TAFA1: variants seen among roughly 807,000 people sequenced by gnomAD.
TAFA1 encodes TAFA chemokine like family member 1.
TAFA1 carries 4 observed loss-of-function variants against 18.5 expected under a neutral mutation model. That is an observed-to-expected ratio of 0.22 (90% confidence interval 0.11 to 0.49). TAFA1 has a LOEUF of 0.49. TAFA1 is among the 20% of genes least tolerant of loss of function. The pLI, the probability that TAFA1 is intolerant of heterozygous loss-of-function variation, is 0.98. For synonymous variants in TAFA1, 56 were observed against 55.2 expected (o/e 1.01, Z -0.06); for missense variants, 147 against 169.0 (o/e 0.87, Z 0.72).
chr3:68,048,865 A>T (rs2064429841), intron 2 of TAFA1, among the ~76,000 whole-genome samples: 2 of 152,140 alleles, frequency 1.3e-5, no homozygotes, highest in Non-Finnish European at 2.9e-5. Context: ...TCATCTGTTG[A>T]TGTACACTGA....
intron 3 of TAFA1, among the ~76,000 whole-genome samples, chr3:68,483,556 G>A (rs193211791): frequency 3.8e-4 from 58 of 152,320 alleles, no homozygotes; most frequent in Admixed American, 2.9e-3. Context: ...CAGAATGGGA[G>A]AAGAAGACAA....
intron 2 of TAFA1, among the ~76,000 whole-genome samples, chr3:68,344,446 G>A (rs1294843994): frequency 6.6e-6 from 1 of 152,150 alleles, no homozygotes; most frequent in Non-Finnish European, 1.5e-5. Flanking sequence ...TATGTATGTT[G>A]AATGATGCTT....
At chr3:68,322,131 G>A (rs1280150455) in intron 2 of TAFA1, among the ~76,000 whole-genome samples, 1 of 152,144 alleles carries the variant, frequency 6.6e-6, no homozygotes, top group African/African-American at 2.4e-5. Context: ...AATTTCCTGG[G>A]CCTGGGGCCA....
At chr3:68,101,735 G>A (rs557739221) in intron 2 of TAFA1, among the ~76,000 whole-genome samples, 18 of 152,234 alleles carry the variant, frequency 1.2e-4, no homozygotes, top group African/African-American at 4.3e-4. Context: ...TATTGGAGAC[G>A]GTTTCTCTTG....
At position 68,352,357 on chromosome 3, in the gene TAFA1, C is replaced by G. The variant is rs1304988348; in HGVS notation, c.119-64923C>G. Among the ~76,000 whole-genome samples the G allele has an allele frequency of 4.6e-5, 7 of 152,134 alleles. No homozygotes were observed. The South Asian group carries it at 1.0e-3, about 23-fold the overall frequency. On this transcript the variant is annotated intron_variant, in intron 2 of 4. Transcript: ENST00000478136. Reference sequence around the variant, plus strand: ...TAATTGAAGGCAATGGCTTAGAACTCTAGCTCCTACAGCATCTTCAACAAA... The same window carrying G: ...TAATTGAAGGCAATGGCTTAGAACTGTAGCTCCTACAGCATCTTCAACAAA...
At chr3:68,388,188 T>A (rs2070145615) in intron 2 of TAFA1, among the ~76,000 whole-genome samples, 1 of 152,054 alleles carries the variant, frequency 6.6e-6, no homozygotes, top group African/African-American at 2.4e-5. Flanking sequence ...AAATAACAAT[T>A]TTTACCAGAG....
intron 2 of TAFA1, among the ~76,000 whole-genome samples, chr3:68,051,353 A>T (rs2064469419): frequency 6.6e-6 from 1 of 152,196 alleles, no homozygotes; most frequent in African/African-American, 2.4e-5. Context: ...CAGATCTGGC[A>T]GAGATATTTA....
intron 3 of TAFA1, among the ~76,000 whole-genome samples, chr3:68,452,107 T>C (rs2071575013): frequency 1.3e-5 from 2 of 152,098 alleles, no homozygotes; most frequent in Admixed American, 1.3e-4. Context: ...GCTTCCATGA[T>C]GGTGAAGAGT....
rs114513028 is a variant in TAFA1 at position 68,368,433 on chromosome 3, A to G, written c.119-48847A>G. ...AGTGACTTTATCACTAGACCGCAAA[A>G]TCATTTCTGATGGGCCTTGAAGCCC... On this transcript the variant is annotated intron_variant, in intron 2 of 4. Transcript: ENST00000478136. 1.6e-3 allele frequency among the ~76,000 whole-genome samples: 251 copies of G among 152,278 alleles called. 2 individuals are homozygous for G. Among genetic ancestry groups the G allele is most frequent in the African/African-American group, 6.0e-3 (249 of 41,550 alleles).
chr3:67,996,831 A>G, the TAFA1 span, among the ~76,000 whole-genome samples: 1 of 151,942 alleles, frequency 6.6e-6, no homozygotes, highest in Admixed American at 6.6e-5. Context: ...ATGGTATAAT[A>G]TGTTTGAGGA....
intron 2 of TAFA1, among the ~76,000 whole-genome samples, chr3:68,346,995 A>G (rs2069173951): frequency 6.8e-6 from 1 of 147,044 alleles, no homozygotes; most frequent in Non-Finnish European, 1.5e-5. Context: ...TTTTCTCAGA[A>G]GGTTCTTTTG....
intron 2 of TAFA1, among the ~76,000 whole-genome samples, chr3:68,409,159 C>T (rs2070666460): frequency 6.6e-6 from 1 of 152,022 alleles, no homozygotes; most frequent in Non-Finnish European, 1.5e-5. Context: ...GCTTATATTC[C>T]CTGTCTTTTT....
intron 2 of TAFA1, among the ~76,000 whole-genome samples, chr3:68,354,817 G>C (rs1424890705): frequency 1.3e-5 from 2 of 151,882 alleles, no homozygotes; most frequent in African/African-American, 4.8e-5. Flanking sequence ...ATGATGAAAG[G>C]GATGGAAGAG....
intron 2 of TAFA1, among the ~76,000 whole-genome samples, chr3:68,040,068 T>A (rs1705132722): frequency 6.6e-6 from 1 of 152,198 alleles, no homozygotes; most frequent in African/African-American, 2.4e-5. Flanking sequence ...AACGACACCT[T>A]CTGATAGGAT....
intron 2 of TAFA1, among the ~76,000 whole-genome samples, chr3:68,224,196 T>C (rs553542855): frequency 1.3e-5 from 2 of 152,052 alleles, no homozygotes; most frequent in East Asian, 1.9e-4. Context: ...TAAAGGTAAA[T>C]GTAGGCAAAT....
In TAFA1 at chr3:68,362,940, C is replaced by CTTTT. The variant is rs10681791; in HGVS notation, c.119-54329_119-54326dup. The stretch of plus-strand genomic sequence containing the variant: ...CCTTAATCCCAAATTAGATTTCTTC[C>CTTTT]TTTTTTTTTTTTTTAACGATGTAAG... On this transcript the variant is annotated intron_variant, in intron 2 of 4. Coordinates refer to ENST00000478136, the MANE Select transcript of TAFA1 (RefSeq NM_213609.4). 2.9e-3 allele frequency among the ~76,000 whole-genome samples: 353 copies of CTTTT among 121,650 alleles called. 4 individuals carry two copies. Among genetic ancestry groups the CTTTT allele is most frequent in the African/African-American group, 9.8e-3 (315 of 32,086 alleles). 79.8% of individuals were successfully genotyped at this position (121,650 alleles called of 152,430 possible).
At chr3:68,509,914 G>A (rs2072820147) in intron 3 of TAFA1, among the ~76,000 whole-genome samples, 1 of 152,112 alleles carries the variant, frequency 6.6e-6, no homozygotes, top group African/African-American at 2.4e-5. Flanking sequence ...TGGCTCCAGA[G>A]TGGGCTATTA....
intron 2 of TAFA1, among the ~76,000 whole-genome samples, chr3:68,046,960 A>G (rs1486041811): frequency 6.6e-6 from 1 of 152,224 alleles, no homozygotes; most frequent in Non-Finnish European, 1.5e-5. Flanking sequence ...TACCTCTTGC[A>G]TCAGAAGTTG....
At chr3:68,435,768 T>C (rs995584656) in intron 3 of TAFA1, among the ~76,000 whole-genome samples, 1 of 152,198 alleles carries the variant, frequency 6.6e-6, no homozygotes, top group African/African-American at 2.4e-5. Flanking sequence ...AGGATCACTA[T>C]GGCAAGGGGA....
Sources: allele counts gnomAD v4.1 joint callset (sites outside exome capture counted in the v4.1 genomes callset), GRCh38; gene constraint gnomAD v4.1.1; transcripts MANE v1.5; gene names NCBI Gene and HGNC (gene_info 2026-07-23, HGNC 2026-07-21).